KATNAL2: variants seen among roughly 807,000 people sequenced by gnomAD.
The protein encoded by KATNAL2 is katanin p60 ATPase-containing subunit A-like 2.
KATNAL2 carries 52 observed loss-of-function variants against 76.3 expected under a neutral mutation model. The observed-to-expected ratio is 0.68, with a 90% confidence interval of 0.55 to 0.86. KATNAL2 has a LOEUF of 0.86. Among genes scored for constraint, KATNAL2 ranks in the 40% least tolerant of loss-of-function variants. The pLI is 0.00. For synonymous variants in KATNAL2, 243 were observed against 244.2 expected (o/e 1.00, Z 0.05); for missense variants, 660 against 668.9 (o/e 0.99, Z 0.15).
At chr18:47,049,940 C>T (rs972293258) in intron 4 of KATNAL2, among the ~76,000 whole-genome samples, 2 of 152,194 alleles carry the variant, frequency 1.3e-5, no homozygotes, top group African/African-American at 4.8e-5. Context: ...GCTATGTAGA[C>T]ATAGCTGGCC....
intron 3 of KATNAL2, 135 bp downstream of exon 3, chr18:46,947,058 T>A: frequency 1.4e-6 from 1 of 693,010 alleles, no homozygotes; most frequent in Middle Eastern, 2.4e-4. Context: ...TGAGAGGCGC[T>A]CGGCCGAGGT....
At chr18:46,930,764 A>T (rs1342963752) in intron 1 of KATNAL2, among the ~76,000 whole-genome samples, 2 of 151,162 alleles carry the variant, frequency 1.3e-5, no homozygotes, top group African/African-American at 4.9e-5. Flanking sequence ...GCAGTGAGCA[A>T]CCATTGCACC....
chr18:47,078,531 T>C (rs1459082927), intron 15 of KATNAL2, among the ~76,000 whole-genome samples: 1 of 152,154 alleles, frequency 6.6e-6, no homozygotes, highest in Non-Finnish European at 1.5e-5. Flanking sequence ...TGAAATGTGA[T>C]TGTGGAAACT....
intron 8 of KATNAL2, among the ~76,000 whole-genome samples, chr18:47,062,306 C>G: frequency 6.6e-6 from 1 of 151,688 alleles, no homozygotes; most frequent in Non-Finnish European, 1.5e-5. Flanking sequence ...ATCCCTTGAG[C>G]CCAGAAGTTT....
At chr18:47,069,122 G>A (rs535478771) in intron 11 of KATNAL2, 98 bp from the exon 12 acceptor site, 1 of 831,942 alleles carries the variant, frequency 1.2e-6, no homozygotes, top group South Asian at 1.6e-5. Context: ...TCTTAGAGCT[G>A]TGCTGCTTTG....
At position 47,065,093 on chromosome 18, in the gene KATNAL2, A is replaced by T. The variant is rs574887673; in HGVS notation, c.726+1732A>T. On this transcript the variant is annotated intron_variant, in intron 10 of 17. Coordinates refer to ENST00000683218, the MANE Select transcript of KATNAL2 (RefSeq NM_001387690.1). ...AGGCTCTATAGACAGAATAAGGAAG[A>T]CTGAGTCCTTTCTCTACCCTTCAAT... Among the ~76,000 whole-genome samples, 7 of 152,294 alleles carry T rather than the reference A, an allele frequency of 4.6e-5. No homozygotes were observed. In the East Asian group the frequency reaches 1.4e-3, roughly 29 times the overall value.
intron 6 of KATNAL2, among the ~76,000 whole-genome samples, chr18:47,057,491 T>C (rs192770296): frequency 6.6e-6 from 1 of 152,296 alleles, no homozygotes; most frequent in Admixed American, 6.5e-5. Context: ...ATACAGTAAA[T>C]GTATATACTC....
chr18:47,100,918 T>C lies in KATNAL2; in HGVS notation c.1530T>C (p.Phe510=), dbSNP rs1398028010. 2 of 1,614,144 alleles carry C rather than the reference T, an allele frequency of 1.2e-6. No individual in the cohort carries two copies. Among genetic ancestry groups the C allele is most frequent in the South Asian group, 1.1e-5 (1 of 91,074 alleles). ...IQLDIVTTAD[F]LDVLTHTKPS... ...TGGATATAGTAACCACTGCCGACTT[T>C]CTGGATGTGCTAACTCACACCAAGC... Residue 510 remains phenylalanine (F), a synonymous_variant, in exon 18 of 18, where the codon TTT becomes TTC. Transcript: ENST00000683218.
rs1463304214 is a variant in KATNAL2 at position 47,100,235 on chromosome 18, G to A, written c.1375-19G>A. On this transcript the variant is annotated intron_variant, in intron 16 of 17. Coordinates refer to ENST00000683218, the MANE Select transcript of KATNAL2 (RefSeq NM_001387690.1). ...GCATTCTGCCCACTGACCAATGGCT[G>A]GTTTTTTGGCTGTTTCAGGAGACTG... 6.3e-7 allele frequency: 1 copy of A among 1,596,932 alleles called. No homozygotes were observed. Among genetic ancestry groups the A allele is most frequent in the South Asian group, 1.1e-5 (1 of 90,700 alleles).
rs1232345321 is a variant in KATNAL2, at chr18:47,075,325, G to A, written c.1057G>A (p.Asp353Asn). The A allele has an allele frequency of 6.4e-7, 1 of 1,559,224 alleles. No homozygotes were observed. The highest frequency in any genetic ancestry group is 2.0e-5 in the Admixed American group (1 of 49,700). ...RYHAPSTIFL[D>N]ELESVMSQRG... ...CCACGCCCCATCCACGATCTTCCTG[G>A]ACGAGCTGGAGTCGGTGATGAGTCA... Residue 353 changes from aspartate (D) to asparagine (N), a missense_variant, in exon 14 of 18, where the codon GAC (aspartate) becomes AAC (asparagine). By Grantham distance (23) the Asp-to-Asn change is conservative (BLOSUM62 1). Coordinates refer to ENST00000683218, the MANE Select transcript of KATNAL2 (RefSeq NM_001387690.1).
In KATNAL2 at chr18:46,929,800, G is replaced by A. The variant is rs187258338; in HGVS notation, c.-510+11874G>A. ...TATTTATTTATTTTTTTGAGACAGA[G>A]TTTCACTCTTGTCACCCGGGCTAGA... On this transcript the variant is annotated intron_variant, in intron 1 of 17. Coordinates refer to ENST00000683218, the MANE Select transcript of KATNAL2 (RefSeq NM_001387690.1). Among the ~76,000 whole-genome samples the A allele has an allele frequency of 2.6e-3, 397 of 152,166 alleles. 2 individuals carry two copies. Among genetic ancestry groups the A allele is most frequent in the Non-Finnish European group, 4.7e-3 (319 of 68,010 alleles).
chr18:46,923,243 C>G (rs959066595), intron 1 of KATNAL2, among the ~76,000 whole-genome samples: 5 of 135,638 alleles, frequency 3.7e-5, no homozygotes, highest in African/African-American at 1.4e-4. Flanking sequence ...GTCCCCGTCC[C>G]CGGTGTGTGA....
chr18:47,035,949 A>G (rs1304705375), intron 3 of KATNAL2, among the ~76,000 whole-genome samples: 1 of 152,214 alleles, frequency 6.6e-6, no homozygotes, highest in Non-Finnish European at 1.5e-5. Flanking sequence ...ATTTGTCAAA[A>G]CAGGGATTAA....
rs1286702891 is a variant in KATNAL2 at position 47,100,988 on chromosome 18, G to A, written c.1600G>A (p.Glu534Lys). 23 of 1,613,974 alleles carry A rather than the reference G, an allele frequency of 1.4e-5. No individual in the cohort carries two copies. Among genetic ancestry groups the A allele is most frequent in the Non-Finnish European group, 1.9e-5 (23 of 1,179,918 alleles). The change falls in exon 18 of 18, where the codon GAG (glutamate) becomes AAG (lysine). Residue 534 changes from glutamate to lysine, a missense_variant. Physicochemically the swap from Glu to Lys is moderately conservative, Grantham distance 56. Transcript: ENST00000683218. ...TCAGAGATACTCAGACTGGCAAAGA[G>A]AGTTCGAGTCTGTCTGAAACCACAT... is the stretch of plus-strand genomic sequence containing the variant. ...LAQRYSDWQR[E>K]FESV is the part of the protein sequence containing the mutation.
chr18:47,040,099 A>G (rs923124678), intron 3 of KATNAL2, among the ~76,000 whole-genome samples: 1 of 152,246 alleles, frequency 6.6e-6, no homozygotes, highest in African/African-American at 2.4e-5. Flanking sequence ...CAGCAATTAA[A>G]AGACATAATC....
chr18:47,058,400 A>G (rs543893438), intron 7 of KATNAL2, 48 bp downstream of exon 7: 4 of 1,051,744 alleles, frequency 3.8e-6, no homozygotes. Flanking sequence ...TTGGCTGAAA[A>G]ATAGCCCTAT....
At chr18:47,031,205 C>T (rs2060404837) in intron 3 of KATNAL2, among the ~76,000 whole-genome samples, 2 of 150,102 alleles carry the variant, frequency 1.3e-5, no homozygotes, top group African/African-American at 4.9e-5. Flanking sequence ...TTGCTCCCAC[C>T]GGTTGTTTAA....
chr18:47,072,097 A>G (rs113071530), intron 13 of KATNAL2, among the ~76,000 whole-genome samples: 37 of 149,918 alleles, frequency 2.5e-4, no homozygotes, highest in African/African-American at 9.1e-4. Context: ...AGTAGCTGGG[A>G]CTACAGGTGC....
Position 46,946,913 on chromosome 18 carries a change from C to T in KATNAL2, c.41C>T (p.Ala14Val). The change falls in exon 3 of 18, where the codon GCG becomes GTG. Residue 14 changes from alanine (A) to valine (V), a missense_variant. Transcript: ENST00000683218. Reference sequence around the variant, plus strand: ...CAGACCCTGAAATTCACGCATCAGGCGCGGGAAGCGGTAAGGAACGCATAT... The same window carrying T: ...CAGACCCTGAAATTCACGCATCAGGTGCGGGAAGCGGTAAGGAACGCATAT... ...SYQTLKFTHQAREACEMRTEA... is the reference protein window; with the variant it reads ...SYQTLKFTHQVREACEMRTEA... 6.5e-7 allele frequency: 1 copy of T among 1,532,272 alleles called. No individual in the cohort carries two copies. The highest frequency in any genetic ancestry group is 8.7e-7 in the Non-Finnish European group (1 of 1,143,416). 94.9% of individuals were successfully genotyped at this position (1,532,272 alleles called of 1,614,324 possible). A position where few individuals can be genotyped will look rare whatever the true frequency, so the allele number is the denominator to read the frequency against.
Sources: gnomAD v4.1 joint callset for allele counts (sites outside exome capture counted in the v4.1 genomes callset) on GRCh38, gnomAD v4.1.1 for gene constraint, MANE v1.5 for transcripts, NCBI Gene and HGNC (gene_info 2026-07-23, HGNC 2026-07-21) for gene names.